The following PPP1R2 variants were observed in gnomAD, a reference collection of about 807,000 sequenced individuals.
PPP1R2 encodes protein phosphatase 1 regulatory inhibitor subunit 2, also known as protein phosphatase inhibitor 2.
Under a neutral mutation model 29.9 loss-of-function variants are expected in PPP1R2, and 16 were observed. The ratio of observed to expected loss-of-function variants is 0.53; its 90% CI spans 0.36 to 0.81. The LOEUF is 0.81. Ranked by LOEUF, PPP1R2 falls within the 30% of genes least tolerant of loss-of-function variation. The pLI is 0.00. For missense variants in PPP1R2, 197 were observed against 252.7 expected (o/e 0.78, Z 1.49); for synonymous variants, 76 against 91.5 (o/e 0.83, Z 0.96).
chr3:195,520,199 G>A (rs565387697), intron 4 of PPP1R2, among the ~76,000 whole-genome samples: 4 of 152,160 alleles, frequency 2.6e-5, no homozygotes, highest in South Asian at 2.1e-4. Context: ...TAGTAGAGAC[G>A]GGGTTTCATC....
At chr3:195,539,555 T>C (rs754989325) in intron 1 of PPP1R2, among the ~76,000 whole-genome samples, 2 of 151,898 alleles carry the variant, frequency 1.3e-5, no homozygotes, top group Non-Finnish European at 2.9e-5. Flanking sequence ...CTACAAAAAA[T>C]ACAAAAATTA....
At chr3:195,536,532 T>C (rs945150012) in intron 1 of PPP1R2, among the ~76,000 whole-genome samples, 4 of 151,914 alleles carry the variant, frequency 2.6e-5, no homozygotes, top group African/African-American at 9.7e-5. Context: ...GTTAACAATA[T>C]TGAATTAAAA....
intron 1 of PPP1R2, among the ~76,000 whole-genome samples, chr3:195,537,520 T>TGTGTG (rs1719441468): frequency 6.6e-6 from 1 of 151,032 alleles, no homozygotes; most frequent in Non-Finnish European, 1.5e-5. Flanking sequence ...TGTGTGTGTG[T>TGTGTG]TTCCATTTCA....
At position 195,516,292 on chromosome 3, in the gene PPP1R2, T is replaced by C. The variant is rs535491647; in HGVS notation, c.*604A>G. 8.7e-4 allele frequency: 132 copies of C among 152,598 alleles called. No individual in the cohort carries two copies. Among genetic ancestry groups the C allele is most frequent in the East Asian group, 9.6e-4 (5 of 5,188 alleles). The allele number at this position is 152,598 out of a possible 1,614,324, so 9.5% of individuals were successfully genotyped here. On this transcript the variant is annotated 3_prime_UTR_variant, in exon 6 of 6. Transcript: ENST00000618156. Reference sequence around the variant, plus strand: ...TTTATTTGTGGGGAAAAAAGCTAGTTTTGATGAGAAAAAGTTCAGTCCTTT... The same window carrying C: ...TTTATTTGTGGGGAAAAAAGCTAGTCTTGATGAGAAAAAGTTCAGTCCTTT...
intron 1 of PPP1R2, among the ~76,000 whole-genome samples, chr3:195,541,083 A>T (rs1719575272): frequency 6.6e-6 from 1 of 152,230 alleles, no homozygotes; most frequent in South Asian, 2.1e-4. Flanking sequence ...AGTCCCTTTT[A>T]AGTGAATCTA....
intron 1 of PPP1R2, among the ~76,000 whole-genome samples, chr3:195,537,478 C>A (rs1719434543): frequency 6.4e-5 from 2 of 31,056 alleles, no homozygotes; most frequent in Non-Finnish European, 6.8e-5. Context: ...CTAGGATTAG[C>A]TATTGTGTGT....
At position 195,543,118 on chromosome 3, in the gene PPP1R2, C is replaced by A; in HGVS notation, c.-93G>T. ...CACAGCAGAGACTCGCAGGCAGCCG[C>A]AGATCCCGCTCAGGGCTAAAGCGGC... is the stretch of plus-strand genomic sequence containing the variant. On this transcript the variant is annotated 5_prime_UTR_variant, in exon 1 of 6. Coordinates refer to ENST00000618156, the MANE Select transcript of PPP1R2 (RefSeq NM_006241.8). 2.1e-6 allele frequency: 3 copies of A among 1,457,074 alleles called. No homozygotes were observed. The highest frequency in any genetic ancestry group is 2.5e-4 in the Middle Eastern group (1 of 3,972). The allele number at this position is 1,457,074 out of a possible 1,614,324, so 90.3% of individuals were successfully genotyped here.
At chr3:195,523,269 A>G (rs1457658443) in intron 4 of PPP1R2, 6 of 195,402 alleles carry the variant, frequency 3.1e-5, no homozygotes, top group Admixed American at 1.6e-4. Flanking sequence ...TTCACTCTGC[A>G]TCTGATCATC....
intron 1 of PPP1R2, among the ~76,000 whole-genome samples, chr3:195,536,977 A>G (rs939848185): frequency 7.4e-4 from 112 of 152,140 alleles, no homozygotes; most frequent in African/African-American, 2.5e-3. Context: ...ACAAGCAGAA[A>G]TTAAGTTTTC....
chr3:195,526,813 C>G (rs767802701), intron 2 of PPP1R2, among the ~76,000 whole-genome samples: 11 of 152,072 alleles, frequency 7.2e-5, no homozygotes, highest in Non-Finnish European at 1.3e-4. Context: ...CAGAGTTTCG[C>G]TCTGGTTGCC....
chr3:195,519,044 C>T lies in PPP1R2; in HGVS notation c.545G>A (p.Ser182Asn), dbSNP rs1286182019. 2.5e-6 allele frequency: 4 copies of T among 1,603,606 alleles called. No homozygotes were observed. Among genetic ancestry groups the T allele is most frequent in the South Asian group, 1.1e-5 (1 of 90,060 alleles). The change falls in exon 5 of 6, where the codon AGC (serine) becomes AAC (asparagine). Residue 182 changes from serine (S) to asparagine (N), a missense_variant. By Grantham distance (46) the Ser-to-Asn change is conservative. Around this residue, in one of 3 missense-constraint regions of PPP1R2, gnomAD observed 135 missense variants for 163.0 expected, o/e 0.83. Coordinates refer to ENST00000618156, the MANE Select transcript of PPP1R2 (RefSeq NM_006241.8). ...TTGATTTGATTCTTCCGTATTCATG[C>T]TTTCTCCATCTGCAGTCTCTAACAT... ...EEMLETADGE[S>N]MNTEESNQGS...
At chr3:195,542,066 T>C (rs1458543819) in intron 1 of PPP1R2, among the ~76,000 whole-genome samples, 2 of 152,336 alleles carry the variant, frequency 1.3e-5, no homozygotes, top group East Asian at 3.9e-4. Context: ...ATTTTTAGTA[T>C]CTTGCAACGC....
intron 5 of PPP1R2, 146 bp downstream of exon 5, chr3:195,518,872 G>A (rs932051287): frequency 6.4e-5 from 79 of 1,226,722 alleles, no homozygotes; most frequent in African/African-American, 9.4e-5. Flanking sequence ...TTGGCCATGC[G>A]GGTTAAAACT....
intron 1 of PPP1R2, among the ~76,000 whole-genome samples, chr3:195,531,367 A>G (rs1338837318): frequency 6.6e-6 from 1 of 152,238 alleles, no homozygotes; most frequent in Non-Finnish European, 1.5e-5. Context: ...AATGCTTTCC[A>G]CATTTGGTCT....
intron 5 of PPP1R2, 44 bp from the exon 6 acceptor site, chr3:195,516,986 G>C: frequency 6.5e-7 from 1 of 1,534,588 alleles, no homozygotes; most frequent in Non-Finnish European, 9.0e-7. Context: ...GTTATATGTT[G>C]TCAACCCTGG....
chr3:195,530,529 T>TTTTTG (rs1235694287), intron 1 of PPP1R2, among the ~76,000 whole-genome samples: 1 of 152,232 alleles, frequency 6.6e-6, no homozygotes, highest in African/African-American at 2.4e-5. Context: ...TACTTTATTA[T>TTTTTG]TTTTGTTTTG....
intron 1 of PPP1R2, among the ~76,000 whole-genome samples, chr3:195,538,977 C>T (rs1324214436): frequency 2.0e-5 from 3 of 152,122 alleles, no homozygotes; most frequent in Middle Eastern, 3.2e-3. Flanking sequence ...AACTATAATC[C>T]TTCTCAAATG....
At chr3:195,537,259 C>A (rs1244900219) in intron 1 of PPP1R2, among the ~76,000 whole-genome samples, 1 of 151,802 alleles carries the variant, frequency 6.6e-6, no homozygotes, top group Non-Finnish European at 1.5e-5. Flanking sequence ...AGATTGATAA[C>A]CTAAATAAGT....
At chr3:195,522,264 TG>T (rs780888653) in intron 4 of PPP1R2, among the ~76,000 whole-genome samples, 6 of 152,238 alleles carry the variant, frequency 3.9e-5, no homozygotes, top group Non-Finnish European at 8.8e-5. Context: ...AACTTAGGTT[TG>T]TCTGTCTTCT....
Sources: allele counts gnomAD v4.1 joint callset (sites outside exome capture counted in the v4.1 genomes callset), GRCh38; gene constraint gnomAD v4.1.1; regional missense constraint gnomAD v4.1.1; transcripts MANE v1.5; gene names NCBI Gene and HGNC (gene_info 2026-07-23, HGNC 2026-07-21).